ZNF827: variants seen among roughly 807,000 people sequenced by gnomAD.
ZNF827 encodes zinc finger protein 827.
In ZNF827, 13 loss-of-function variants were observed where a neutral mutation model predicts 102.4. The ratio of observed to expected loss-of-function variants is 0.13; its 90% CI spans 0.08 to 0.20. ZNF827 has a LOEUF of 0.20. Ranked by LOEUF, ZNF827 falls within the 10% of genes least tolerant of loss-of-function variation. The pLI is 1.00. For missense variants in ZNF827, 1,103 were observed against 1,344.4 expected (o/e 0.82, Z 2.81); for synonymous variants, 523 against 536.2 (o/e 0.98, Z 0.34).
intron 5 of ZNF827, among the ~76,000 whole-genome samples, chr4:145,853,607 C>A (rs555622771): frequency 4.5e-4 from 67 of 150,180 alleles, no homozygotes; most frequent in African/African-American, 1.4e-3. Flanking sequence ...AAACAACCCA[C>A]AAAAAAACAA....
intron 4 of ZNF827, among the ~76,000 whole-genome samples, 170 bp downstream of exon 4, chr4:145,885,508 G>A (rs1473115899): frequency 6.6e-6 from 1 of 152,014 alleles, no homozygotes; most frequent in Non-Finnish European, 1.5e-5. Flanking sequence ...CAAAGTCAAG[G>A]AGAAAATGTA....
In ZNF827 at chr4:145,902,298, C is replaced by T; in HGVS notation, c.961G>A (p.Glu321Lys). The T allele has an allele frequency of 6.3e-7, 1 of 1,592,954 alleles. No individual in the cohort carries two copies. Among genetic ancestry groups the T allele is most frequent in the African/African-American group, 1.4e-5 (1 of 74,028 alleles). The change falls in exon 2 of 15, where the codon GAG becomes AAG. Residue 321 changes from glutamate (E) to lysine (K), a missense_variant. Transcript: ENST00000508784. The surrounding 1 kb of genome is among the most constrained non-coding windows in gnomAD (Gnocchi z 4.3). ...GGAGTGACTTTTTCTGGTTTCTTCT[C>T]TGAAGGCGGGGGCGGTAGAGGGTCC... ...PEDPLPPPPS[E>K]KKPEKVTPPP...
chr4:145,871,246 G>C (rs1748658083), intron 4 of ZNF827, among the ~76,000 whole-genome samples: 1 of 152,048 alleles, frequency 6.6e-6, no homozygotes, highest in African/African-American at 2.4e-5. Context: ...TGGTACATTT[G>C]TCAGAACTAA....
intron 8 of ZNF827, among the ~76,000 whole-genome samples, chr4:145,804,084 A>G (rs1423491155): frequency 6.6e-6 from 1 of 152,260 alleles, no homozygotes; most frequent in African/African-American, 2.4e-5. Context: ...AAGCCCTTTT[A>G]GAAATCTGGA....
At chr4:145,818,808 T>C (rs1046851446) in intron 8 of ZNF827, among the ~76,000 whole-genome samples, 1 of 152,200 alleles carries the variant, frequency 6.6e-6, no homozygotes, top group Non-Finnish European at 1.5e-5. Context: ...TGAGAGCTAG[T>C]TGCAGGTGGC....
Position 145,765,423 on chromosome 4 carries a change from C to A in ZNF827, c.3052+124G>T. The A allele has an allele frequency of 8.2e-7, 1 of 1,223,740 alleles. No individual in the cohort carries two copies. The highest frequency in any genetic ancestry group is 1.1e-6 in the Non-Finnish European group (1 of 890,864). The allele number at this position is 1,223,740 out of a possible 1,614,324, so 75.8% of individuals were successfully genotyped here. A position where few individuals can be genotyped will look rare whatever the true frequency, so the allele number is the denominator to read the frequency against. ...AAGAAATACAACCTTTAGGTGAGGC[C>A]CAGCATACTGCATCCTGGGCCTATT... On this transcript the variant is annotated intron_variant, in intron 12 of 14. Coordinates refer to ENST00000508784, the MANE Select transcript of ZNF827 (RefSeq NM_001306215.2). The surrounding 1 kb of genome is among the most constrained non-coding windows in gnomAD (Gnocchi z 4.7).
chr4:145,871,621 T>G (rs1469973885), intron 4 of ZNF827, among the ~76,000 whole-genome samples: 2 of 152,190 alleles, frequency 1.3e-5, no homozygotes, highest in Non-Finnish European at 2.9e-5. Flanking sequence ...ACAGGATTCT[T>G]AGAAACACTT....
chr4:145,775,864 C>T lies in ZNF827; in HGVS notation c.2618G>A (p.Ser873Asn). The T allele has an allele frequency of 2.5e-6, 4 of 1,614,200 alleles. No homozygotes were observed. Among genetic ancestry groups the T allele is most frequent in the Non-Finnish European group, 3.4e-6 (4 of 1,180,044 alleles). The stretch of plus-strand genomic sequence containing the variant: ...GCTGACAATGTCCTCGGTGTCTGTA[C>T]TCACCAGCTTCACGGAATGGACGGT... The part of the protein sequence containing the change: ...HLTVHSVKLV[S>N]TDTEDIVSAV... Residue 873 changes from serine to asparagine, a missense_variant, in exon 10 of 15, where the codon AGT (serine) becomes AAT (asparagine). Ser to Asn is a conservative substitution (Grantham distance 46). This residue lies in a region of ZNF827 where 242 missense variants were observed against 361.9 expected (regional missense o/e 0.67). Transcript: ENST00000508784.
At chr4:145,928,270 CT>C (rs1164312635) in intron 1 of ZNF827, among the ~76,000 whole-genome samples, 5 of 152,140 alleles carry the variant, frequency 3.3e-5, no homozygotes, top group African/African-American at 1.2e-4. Context: ...ACCCAGGGAG[CT>C]TTTAAAAAAC....
At position 145,779,457 on chromosome 4, in the gene ZNF827, T is replaced by C. The variant is rs532396743; in HGVS notation, c.2438A>G (p.Asn813Ser). The C allele has an allele frequency of 3.8e-5, 62 of 1,614,134 alleles. No homozygotes were observed. The highest frequency in any genetic ancestry group is 6.7e-5 in the East Asian group (3 of 44,900). Residue 813 changes from asparagine to serine, a missense_variant, in exon 9 of 15, where the codon AAT becomes AGT. Coordinates refer to ENST00000508784, the MANE Select transcript of ZNF827 (RefSeq NM_001306215.2). The part of the protein sequence containing the change: ...AGNGLPSWKF[N>S]DQLFPCDVCG... Reference sequence around the variant, plus strand: ...CACGTCACAGGGAAAAAGCTGGTCATTGAATTTCCAGGATGGTAATCCATT... The same window carrying C: ...CACGTCACAGGGAAAAAGCTGGTCACTGAATTTCCAGGATGGTAATCCATT...
chr4:145,925,090 T>A (rs1411301888), intron 1 of ZNF827, among the ~76,000 whole-genome samples: 6 of 152,090 alleles, frequency 3.9e-5, no homozygotes, highest in Non-Finnish European at 7.4e-5. Context: ...AGAGAGTGTG[T>A]GCAGGGGAAC....
chr4:145,826,834 C>T (rs1743733220), intron 7 of ZNF827, among the ~76,000 whole-genome samples: 1 of 151,932 alleles, frequency 6.6e-6, no homozygotes, highest in African/African-American at 2.4e-5. Context: ...GCAACCTCCG[C>T]CTCCTGGGTT....
At chr4:145,834,189 C>T (rs1454221765) in intron 7 of ZNF827, among the ~76,000 whole-genome samples, 1 of 152,156 alleles carries the variant, frequency 6.6e-6, no homozygotes, top group Non-Finnish European at 1.5e-5. Context: ...TTCCATCCTG[C>T]AAGATCTAAA....
chr4:145,931,031 G>A (rs1212645665), intron 1 of ZNF827, among the ~76,000 whole-genome samples: 3 of 152,160 alleles, frequency 2.0e-5, no homozygotes, highest in Non-Finnish European at 4.4e-5. Context: ...AGTCATCAGA[G>A]AGGCCCCTGC....
At chr4:145,918,332 C>CAAAAAA (rs34428145) in intron 1 of ZNF827, among the ~76,000 whole-genome samples, 4 of 22,142 alleles carry the variant, frequency 1.8e-4, no homozygotes, top group African/African-American at 9.2e-4. Flanking sequence ...TAGCTCAAGG[C>CAAAAAA]AAAAAAAAAA....
chr4:145,871,487 C>T (rs1451106800), intron 4 of ZNF827, among the ~76,000 whole-genome samples: 1 of 152,164 alleles, frequency 6.6e-6, no homozygotes, highest in Non-Finnish European at 1.5e-5. Flanking sequence ...GAGACAAGCA[C>T]CCTCTTCCTA....
At chr4:145,921,028 A>G (rs995552247) in intron 1 of ZNF827, among the ~76,000 whole-genome samples, 4 of 152,224 alleles carry the variant, frequency 2.6e-5, no homozygotes, top group African/African-American at 9.6e-5. Context: ...TATGGGAACC[A>G]GGGGAGGAGA....
Position 145,902,673 on chromosome 4 carries a change from A to G in ZNF827, c.586T>C (p.Trp196Arg), listed in dbSNP as rs1211914623. ...CAGGTGGTGGTTGAGTTTGGCAACC[A>G]CTTACCTTGATTCCATATAAAACGG... ...SNRFIWNQGK[W>R]LPNSTTTCSL... The change falls in exon 2 of 15, where the codon TGG becomes CGG. Residue 196 changes from tryptophan (W) to arginine (R), a missense_variant. Trp to Arg is a moderately radical substitution (Grantham distance 101). Around this residue, in one of 5 missense-constraint regions of ZNF827, gnomAD observed 441 missense variants for 458.6 expected, o/e 0.96. Coordinates refer to ENST00000508784, the MANE Select transcript of ZNF827 (RefSeq NM_001306215.2). This position sits in a 1 kb window ranked among gnomAD's most constrained non-coding sequence, Gnocchi z 4.3. 4.3e-6 allele frequency: 7 copies of G among 1,613,966 alleles called. No homozygotes were observed. In the South Asian group the frequency reaches 7.7e-5, roughly 18 times the overall value.
intron 5 of ZNF827, among the ~76,000 whole-genome samples, chr4:145,867,367 T>C (rs570910556): frequency 1.3e-5 from 2 of 152,338 alleles, no homozygotes; most frequent in South Asian, 4.1e-4. Flanking sequence ...GAAAACAATA[T>C]ACCTACAGAG....
Sources: gnomAD v4.1 joint callset for allele counts (sites outside exome capture counted in the v4.1 genomes callset) on GRCh38, gnomAD v4.1.1 for gene constraint, gnomAD v4.1.1 regional missense constraint, Gnocchi (gnomAD v3.1) non-coding constraint, MANE v1.5 for transcripts, NCBI Gene and HGNC (gene_info 2026-07-23, HGNC 2026-07-21) for gene names.